CADPS: variants seen among roughly 807,000 people sequenced by gnomAD.
CADPS encodes the protein calcium dependent secretion activator, also known as calcium-dependent secretion activator 1.
Under a neutral mutation model 167.3 loss-of-function variants are expected in CADPS, and 57 were observed. The ratio of observed to expected loss-of-function variants is 0.34; its 90% CI spans 0.28 to 0.42. The LOEUF (loss-of-function observed/expected upper bound fraction) is 0.42, where lower values mean the gene tolerates loss of function less well. Among genes scored for constraint, CADPS ranks in the 20% least tolerant of loss-of-function variants. The probability of loss-of-function intolerance (pLI) is 1.00; values close to 1 mark genes in which losing one functional copy is unlikely to be tolerated. For missense variants in CADPS, 1,414 were observed against 1,738.1 expected, an observed-to-expected ratio of 0.81 and a Z score of 3.32; for synonymous variants, 676 against 635.3, an observed-to-expected ratio of 1.06 and a Z score of -0.96.
chr3:62,651,049 T>C lies in CADPS; in HGVS notation c.1001A>G (p.Glu334Gly). The change falls in exon 5 of 30, where the codon GAA becomes GGA. Residue 334 changes from glutamate to glycine, a missense_variant. Coordinates refer to ENST00000383710, the MANE Select transcript of CADPS (RefSeq NM_003716.4). ...CTCCTCAATGTACATGTTTTCCATT[T>C]CTTTGGATACAAACTTGGGAAATTT... ...ERKFPKFVSK[E>G]MENMYIEELK... The C allele has an allele frequency of 1.2e-6, 2 of 1,614,022 alleles. No individual in the cohort carries two copies. Among genetic ancestry groups the C allele is most frequent in the Non-Finnish European group, 1.7e-6 (2 of 1,179,918 alleles).
intron 9 of CADPS, among the ~76,000 whole-genome samples, chr3:62,565,907 A>T (rs1414015947): frequency 6.6e-6 from 1 of 152,236 alleles, no homozygotes; most frequent in African/African-American, 2.4e-5. Context: ...TAAGCAAAAA[A>T]GTAGACTCTG....
At chr3:62,576,491 T>G (rs890985127) in intron 8 of CADPS, among the ~76,000 whole-genome samples, 1 of 152,020 alleles carries the variant, frequency 6.6e-6, no homozygotes, top group Non-Finnish European at 1.5e-5. Context: ...GTGCTACTAT[T>G]TGTAGTATTA....
intron 27 of CADPS, chr3:62,439,780 T>C (rs2055922791): frequency 6.6e-6 from 1 of 152,150 alleles, no homozygotes; most frequent in South Asian, 2.1e-4. Context: ...AGAGCTAAGG[T>C]ACAAAGTCAA....
At chr3:62,520,919 A>G (rs963616086) in intron 13 of CADPS, among the ~76,000 whole-genome samples, 1 of 152,232 alleles carries the variant, frequency 6.6e-6, no homozygotes. Flanking sequence ...TAATTTGGCA[A>G]TGTTAGCTAT....
chr3:62,521,381 T>C (rs1188450339), intron 13 of CADPS, among the ~76,000 whole-genome samples: 1 of 152,182 alleles, frequency 6.6e-6, no homozygotes, highest in Non-Finnish European at 1.5e-5. Context: ...AAAGTGGCAT[T>C]TGTATTGTTT....
At chr3:62,791,870 T>A (rs1254233713) in intron 1 of CADPS, among the ~76,000 whole-genome samples, 1 of 152,228 alleles carries the variant, frequency 6.6e-6, no homozygotes, top group Non-Finnish European at 1.5e-5. Context: ...TTAAATTAGA[T>A]AATGTACTTT....
At chr3:62,788,747 T>C (rs918714067) in intron 1 of CADPS, among the ~76,000 whole-genome samples, 2 of 152,196 alleles carry the variant, frequency 1.3e-5, no homozygotes, top group African/African-American at 4.8e-5. Context: ...TGCCCCTCTT[T>C]TTGTACTCTA....
At chr3:62,662,603 G>T (rs2073515144) in intron 3 of CADPS, among the ~76,000 whole-genome samples, 1 of 152,198 alleles carries the variant, frequency 6.6e-6, no homozygotes, top group Non-Finnish European at 1.5e-5. Context: ...TGCTAAGACA[G>T]GCATTTGAAC....
At chr3:62,775,447 T>C (rs767294160) in intron 1 of CADPS, among the ~76,000 whole-genome samples, 3 of 152,174 alleles carry the variant, frequency 2.0e-5, no homozygotes, top group African/African-American at 7.2e-5. Context: ...ACACATTTCA[T>C]CACACAATAC....
chr3:62,593,445 A>T (rs1012066290), intron 6 of CADPS, among the ~76,000 whole-genome samples: 20 of 152,324 alleles, frequency 1.3e-4, no homozygotes, highest in Non-Finnish European at 2.8e-4. Context: ...CTTCAAATGC[A>T]GCCTCTTCAT....
intron 8 of CADPS, among the ~76,000 whole-genome samples, chr3:62,580,981 AAGT>A (rs1307325752): frequency 1.3e-5 from 2 of 152,204 alleles, no homozygotes; most frequent in Non-Finnish European, 2.9e-5. Context: ...TGTGCTTTAG[AAGT>A]AATTTTATGT....
intron 3 of CADPS, among the ~76,000 whole-genome samples, chr3:62,695,120 C>T (rs2151390217): frequency 6.6e-6 from 1 of 152,092 alleles, no homozygotes; most frequent in Admixed American, 6.6e-5. Flanking sequence ...CTTTAGATAA[C>T]AGAAAACTCA....
At chr3:62,506,142 C>A (rs557199218) in intron 17 of CADPS, among the ~76,000 whole-genome samples, 1 of 152,304 alleles carries the variant, frequency 6.6e-6, no homozygotes, top group South Asian at 2.1e-4. Context: ...GTAATCCCGG[C>A]ACTTTGGGAG....
At chr3:62,522,102 T>TATC (rs1226166135) in intron 13 of CADPS, among the ~76,000 whole-genome samples, 5 of 111,170 alleles carry the variant, frequency 4.5e-5, no homozygotes, top group African/African-American at 1.7e-4. Context: ...AAGCTCTATC[T>TATC]ATCTATCTAT....
rs1491429269 is a variant in CADPS at position 62,599,780 on chromosome 3, T to TATATTATATATATTA, written c.1326-7033_1326-7032insTAATATATATAATAT. Among the ~76,000 whole-genome samples, 40 of 12,294 alleles carry TATATTATATATATTA rather than the reference T, an allele frequency of 3.3e-3. 6 individuals carry two copies. Among genetic ancestry groups the TATATTATATATATTA allele is most frequent in the Non-Finnish European group, 4.9e-3 (35 of 7,138 alleles). 8.1% of individuals were successfully genotyped at this position (12,294 alleles called of 152,430 possible). On this transcript the variant is annotated intron_variant, in intron 6 of 29. Coordinates refer to ENST00000383710, the MANE Select transcript of CADPS (RefSeq NM_003716.4). Reference sequence around the variant, plus strand: ...ATATATTGTATATATAATATATATATTATATATAATATATATAATATATAA... The same window carrying TATATTATATATATTA: ...ATATATTGTATATATAATATATATATATATTATATATATTATATATATAATATATATAATATATAA...
At chr3:62,719,944 C>T (rs1448122577) in intron 3 of CADPS, among the ~76,000 whole-genome samples, 4 of 152,190 alleles carry the variant, frequency 2.6e-5, no homozygotes, top group Admixed American at 6.5e-5. Context: ...GAAAGACCCT[C>T]CAGAGCTTTC....
chr3:62,547,422 T>C (rs1010115002), intron 11 of CADPS, among the ~76,000 whole-genome samples: 1 of 152,142 alleles, frequency 6.6e-6, no homozygotes, highest in Admixed American at 6.6e-5. Context: ...CAGGGCCTCA[T>C]GCTCTCTGAA....
In CADPS at chr3:62,763,946, C is replaced by T. The variant is rs942615333; in HGVS notation, c.555+1925G>A. ...ACTACAGAGGAAAACATTGGGATCA[C>T]TGTAGATGTAATGGTAATTTCCAGA... is the stretch of plus-strand genomic sequence containing the variant. On this transcript the variant is annotated intron_variant, in intron 2 of 29. Coordinates refer to ENST00000383710, the MANE Select transcript of CADPS (RefSeq NM_003716.4). Among the ~76,000 whole-genome samples the T allele has an allele frequency of 7.9e-5, 12 of 152,296 alleles. No homozygotes were observed. In the East Asian group the frequency reaches 1.7e-3, roughly 22 times the overall value.
In CADPS at chr3:62,732,746, A is replaced by G. The variant is rs151206126; in HGVS notation, c.888+20695T>C. ...GAGGGAATGCTGCACCTGGTACTAA[A>G]TGACAGGACATGTGTACTCTGTACT... On this transcript the variant is annotated intron_variant, in intron 3 of 29. Transcript: ENST00000383710. Among the ~76,000 whole-genome samples the G allele has an allele frequency of 1.2e-4, 18 of 152,308 alleles. No homozygotes were observed. The East Asian group carries it at 3.1e-3, about 26-fold the overall frequency.
Sources: gnomAD v4.1 joint callset for allele counts (sites outside exome capture counted in the v4.1 genomes callset) on GRCh38, gnomAD v4.1.1 for gene constraint, MANE v1.5 for transcripts, NCBI Gene and HGNC (gene_info 2026-07-23, HGNC 2026-07-21) for gene names.